DOCK9: variants seen among roughly 807,000 people sequenced by gnomAD.
DOCK9 encodes the protein dedicator of cytokinesis protein 9.
A neutral mutation model predicts 263.3 loss-of-function variants in DOCK9; 89 were observed. The observed-to-expected ratio is 0.34, with a 90% confidence interval of 0.28 to 0.40. DOCK9 has a LOEUF of 0.40. Among genes scored for constraint, DOCK9 ranks in the 10% least tolerant of loss-of-function variants. The probability of loss-of-function intolerance (pLI) is 1.00; values close to 1 mark genes in which losing one functional copy is unlikely to be tolerated. For missense variants in DOCK9, 2,140 were observed against 2,603.4 expected (o/e 0.82, Z 3.87); for synonymous variants, 976 against 973.1 (o/e 1.00, Z -0.06).
At chr13:98,883,572 C>T (rs367677203) in intron 22 of DOCK9, among the ~76,000 whole-genome samples, 2 of 152,028 alleles carry the variant, frequency 1.3e-5, no homozygotes, top group East Asian at 3.9e-4. Context: ...AAAAATTGAT[C>T]GTGTACAAAT....
intron 1 of DOCK9, among the ~76,000 whole-genome samples, chr13:99,079,228 T>G (rs1379959633): frequency 6.6e-6 from 1 of 152,186 alleles, no homozygotes; most frequent in Non-Finnish European, 1.5e-5. Context: ...GGGCAAATAT[T>G]GTTTCTAAGC....
intron 48 of DOCK9, among the ~76,000 whole-genome samples, chr13:98,807,340 G>C (rs1228029443): frequency 1.3e-5 from 2 of 152,208 alleles, no homozygotes; most frequent in Non-Finnish European, 2.9e-5. Context: ...GCTACATGCA[G>C]GAAGAGGTGC....
intron 34 of DOCK9, 109 bp downstream of exon 34, chr13:98,855,789 G>GAA: frequency 7.1e-7 from 1 of 1,411,020 alleles, no homozygotes; most frequent in Non-Finnish European, 9.7e-7. Flanking sequence ...GGGTGGTTTA[G>GAA]AAAAAAACAA....
chr13:98,888,009 A>G (rs1453895716), intron 18 of DOCK9, 149 bp downstream of exon 18: 2 of 595,920 alleles, frequency 3.4e-6, no homozygotes, highest in East Asian at 5.8e-5. Flanking sequence ...GATTGAGTAT[A>G]TATGTTTATA....
intron 1 of DOCK9, among the ~76,000 whole-genome samples, chr13:99,004,784 G>GACACACACAC (rs10533387): frequency 1.3e-3 from 190 of 148,144 alleles, no homozygotes; most frequent in African/African-American, 2.1e-3. Context: ...AAAAACTATA[G>GACACACACAC]ACACACACAC....
chr13:98,851,607 A>C (rs2093573226), intron 35 of DOCK9, among the ~76,000 whole-genome samples: 4 of 152,214 alleles, frequency 2.6e-5, no homozygotes, highest in Admixed American at 2.6e-4. Flanking sequence ...GGGAAATGGC[A>C]CAAGAAGGAC....
In DOCK9 at chr13:98,880,628, T is replaced by G. The variant is rs376323799; in HGVS notation, c.2790A>C (p.Thr930=). The change falls in exon 26 of 53, where the codon ACA becomes ACC. Residue 930 remains threonine, a synonymous_variant. Transcript: ENST00000682017. ...AEPYVASEYK[T]VHEELTKSMT... is the part of the protein sequence containing the mutation. ...TGGATTTGGTCAGTTCTTCATGCAC[T>G]GTCTTGTATTCAGAGGCAACATATG... 6.1e-5 allele frequency: 98 copies of G among 1,613,928 alleles called. No homozygotes were observed. The highest frequency in any genetic ancestry group is 7.7e-5 in the Non-Finnish European group (91 of 1,179,870).
At chr13:99,072,597 G>A (rs1000808337) in intron 1 of DOCK9, among the ~76,000 whole-genome samples, 4 of 152,028 alleles carry the variant, frequency 2.6e-5, no homozygotes, top group Non-Finnish European at 4.4e-5. Flanking sequence ...CCACTACCTC[G>A]CTGATGCTAT....
chr13:98,997,752 A>G (rs1005038487), intron 1 of DOCK9, among the ~76,000 whole-genome samples: 2 of 152,200 alleles, frequency 1.3e-5, no homozygotes, highest in African/African-American at 4.8e-5. Flanking sequence ...GGAATACTCC[A>G]GTCACCCCCT....
chr13:99,078,175 A>C (rs2041986787), intron 1 of DOCK9, among the ~76,000 whole-genome samples: 1 of 152,196 alleles, frequency 6.6e-6, no homozygotes, highest in African/African-American at 2.4e-5. Flanking sequence ...GCAGGAAAAC[A>C]GAAAAGCAGG....
intron 1 of DOCK9, among the ~76,000 whole-genome samples, chr13:99,005,146 C>A (rs551912183): frequency 6.6e-6 from 1 of 151,570 alleles, no homozygotes; most frequent in Non-Finnish European, 1.5e-5. Flanking sequence ...TTTCTTTCAT[C>A]AAAATGCCCC....
At chr13:98,900,389 T>C (rs1170148186) in intron 13 of DOCK9, among the ~76,000 whole-genome samples, 1 of 152,158 alleles carries the variant, frequency 6.6e-6, no homozygotes, top group South Asian at 2.1e-4. Flanking sequence ...TGGGCCTTCA[T>C]TGATTATTGA....
Position 99,086,069 on chromosome 13 carries a change from A to G in DOCK9, c.129+154T>C, listed in dbSNP as rs1369860688. On this transcript the variant is annotated intron_variant, in intron 1 of 32. Coordinates refer to the DOCK9 transcript ENST00000427887. ...AGGACCTTCTCTTCTCCCCTGTCCA[A>G]CTCCCTCCCGCCGGCCCCACCTCTT... is the stretch of plus-strand genomic sequence containing the variant. Among the ~76,000 whole-genome samples, 6 of 151,072 alleles carry G rather than the reference A, an allele frequency of 4.0e-5. No homozygotes were observed. In the South Asian group the frequency reaches 1.3e-3, roughly 32 times the overall value.
At chr13:98,957,855 T>G (rs1241916645) in intron 1 of DOCK9, among the ~76,000 whole-genome samples, 1 of 152,342 alleles carries the variant, frequency 6.6e-6, no homozygotes, top group East Asian at 1.9e-4. Context: ...AGACTCCATG[T>G]TCTCCCTGGC....
chr13:98,844,926 C>T (rs886352475), intron 38 of DOCK9, among the ~76,000 whole-genome samples: 1 of 152,144 alleles, frequency 6.6e-6, no homozygotes, highest in African/African-American at 2.4e-5. Flanking sequence ...GTATTAAAGA[C>T]AGCACTTGGA....
chr13:99,010,317 A>G (rs1378525716), intron 1 of DOCK9, among the ~76,000 whole-genome samples: 2 of 152,260 alleles, frequency 1.3e-5, no homozygotes, highest in Non-Finnish European at 2.9e-5. Flanking sequence ...AAATAGGTCA[A>G]TCCTAGCCAG....
rs2089104008 is a variant in DOCK9 at position 98,794,623 on chromosome 13, T to C, written c.*3A>G. The C allele has an allele frequency of 1.3e-6, 2 of 1,585,500 alleles. No homozygotes were observed. The highest frequency in any genetic ancestry group is 1.3e-5 in the African/African-American group (1 of 74,434). On this transcript the variant is annotated 3_prime_UTR_variant, in exon 53 of 53. Coordinates refer to ENST00000682017, the MANE Select transcript of DOCK9 (RefSeq NM_001366683.2). ...GTCCCCACACACGGGCCATGAGATG[T>C]AATCACACGACCGAAGACGAGCTGG...
chr13:98,980,734 T>C (rs1004258853), upstream of DOCK9, among the ~76,000 whole-genome samples: 3 of 152,226 alleles, frequency 2.0e-5, no homozygotes, highest in Non-Finnish European at 4.4e-5. Context: ...ACCAACCGTG[T>C]TGCTATCACA....
intron 1 of DOCK9, among the ~76,000 whole-genome samples, chr13:99,083,312 C>A (rs2042203720): frequency 6.6e-6 from 1 of 151,794 alleles, no homozygotes; most frequent in African/African-American, 2.4e-5. Flanking sequence ...TTTGACAAGG[C>A]CTACAAAGCT....
Sources: gnomAD v4.1 joint callset for allele counts (sites outside exome capture counted in the v4.1 genomes callset) on GRCh38, gnomAD v4.1.1 for gene constraint, MANE v1.5 for transcripts, NCBI Gene and HGNC (gene_info 2026-07-23, HGNC 2026-07-21) for gene names.